The following ANO10 variants were observed in gnomAD, a reference collection of about 807,000 sequenced individuals.
ANO10 encodes the protein anoctamin 10.
ANO10 carries 77 observed loss-of-function variants against 74.7 expected under a neutral mutation model. The ratio of observed to expected loss-of-function variants is 1.03; its 90% confidence interval spans 0.86 to 1.25. The LOEUF (loss-of-function observed/expected upper bound fraction) is 1.25, where lower values mean the gene tolerates loss of function less well. Ranked by LOEUF, ANO10 falls within the 50% of genes most tolerant of loss-of-function variation. The pLI, the probability that ANO10 is intolerant of heterozygous loss-of-function variation, is 0.00. For synonymous variants in ANO10, 279 were observed against 284.9 expected (o/e 0.98, Z 0.21); for missense variants, 721 against 778.1 (o/e 0.93, Z 0.87).
At chr3:43,411,124 T>A (rs1396346690) in intron 12 of ANO10, among the ~76,000 whole-genome samples, 2 of 152,180 alleles carry the variant, frequency 1.3e-5, no homozygotes. Flanking sequence ...TTAGGCATTA[T>A]GTGTTTTGAT....
chr3:43,485,001 T>TG, intron 11 of ANO10: 1 of 1,460,504 alleles, frequency 6.8e-7, no homozygotes, highest in South Asian at 1.2e-5. Flanking sequence ...CTCTTGGTGG[T>TG]GAGGCGTGGC....
At position 43,410,566 on chromosome 3, in the gene ANO10, C is replaced by A. The variant is rs899962666; in HGVS notation, c.1914+22045G>T. Among the ~76,000 whole-genome samples, 10 of 152,242 alleles carry A rather than the reference C, an allele frequency of 6.6e-5. No homozygotes were observed. In the East Asian group the frequency reaches 7.7e-4, roughly 12 times the overall value. ...ATTGCAATGGAACCTTTTATGACTA[C>A]AAAATTATGAGTTTTCTGTGTTTAT... On this transcript the variant is annotated intron_variant, in intron 12 of 12. Coordinates refer to ENST00000292246, the MANE Select transcript of ANO10 (RefSeq NM_018075.5).
At chr3:43,554,946 T>C (rs181084775) in intron 10 of ANO10, among the ~76,000 whole-genome samples, 126 of 152,302 alleles carry the variant, frequency 8.3e-4, no homozygotes, top group African/African-American at 2.8e-3. Context: ...CCCATGTGGC[T>C]TCCACTGACA....
intron 11 of ANO10, among the ~76,000 whole-genome samples, chr3:43,512,635 T>A (rs2149186853): frequency 6.6e-6 from 1 of 152,148 alleles, no homozygotes; most frequent in Non-Finnish European, 1.5e-5. Flanking sequence ...CAAGGATGAC[T>A]CCAAAGTTTC....
At position 43,576,854 on chromosome 3, in the gene ANO10, T is replaced by A; in HGVS notation, c.1000A>T (p.Met334Leu). 6.2e-7 allele frequency: 1 copy of A among 1,614,082 alleles called. No homozygotes were observed. Among genetic ancestry groups the A allele is most frequent in the Non-Finnish European group, 8.5e-7 (1 of 1,180,012 alleles). ...CAAACCTCCATGTCGAAGTAAATCATCATGACATACAGTGAGAAATAGAGG... is the reference window on the plus strand; with the variant it reads ...CAAACCTCCATGTCGAAGTAAATCAACATGACATACAGTGAGAAATAGAGG... ...LCLYFSLYVM[M>L]IYFDMEVWAL... The change falls in exon 6 of 13, where the codon ATG becomes TTG. Residue 334 changes from methionine (M) to leucine (L), a missense_variant. Coordinates refer to ENST00000292246, the MANE Select transcript of ANO10 (RefSeq NM_018075.5).
chr3:43,525,009 A>C (rs922357263), intron 11 of ANO10, among the ~76,000 whole-genome samples: 6 of 152,148 alleles, frequency 3.9e-5, no homozygotes, highest in East Asian at 1.9e-4. Flanking sequence ...GCTGGGTATG[A>C]GTGAGAACCA....
At chr3:43,599,011 G>A (rs1188265163) in intron 3 of ANO10, among the ~76,000 whole-genome samples, 1 of 152,128 alleles carries the variant, frequency 6.6e-6, no homozygotes, top group Non-Finnish European at 1.5e-5. Context: ...GTATTATTAT[G>A]TTAAACCAGG....
chr3:43,505,721 G>A (rs1443979705), intron 11 of ANO10, among the ~76,000 whole-genome samples: 9 of 152,196 alleles, frequency 5.9e-5, no homozygotes, highest in Admixed American at 4.6e-4. Context: ...CTGTCAGCCA[G>A]TGGGTTTGAA....
chr3:43,556,159 T>A (rs1000935635), intron 9 of ANO10, among the ~76,000 whole-genome samples: 1 of 152,142 alleles, frequency 6.6e-6, no homozygotes, highest in African/African-American at 2.4e-5. Context: ...ATTGCATCAA[T>A]CTCTTTCTCT....
intron 4 of ANO10, among the ~76,000 whole-genome samples, chr3:43,598,224 T>G (rs1406774387): frequency 6.6e-6 from 1 of 152,210 alleles, no homozygotes; most frequent in Non-Finnish European, 1.5e-5. Context: ...CTCCACAGAT[T>G]TTCATGTACA....
intron 11 of ANO10, among the ~76,000 whole-genome samples, chr3:43,518,604 C>A (rs2077813594): frequency 6.6e-6 from 1 of 152,138 alleles, no homozygotes; most frequent in Non-Finnish European, 1.5e-5. Flanking sequence ...TCACTGAATT[C>A]TTTCTCTCAG....
At chr3:43,588,024 C>T (rs1353764571) in intron 4 of ANO10, among the ~76,000 whole-genome samples, 3 of 152,078 alleles carry the variant, frequency 2.0e-5, no homozygotes, top group Non-Finnish European at 2.9e-5. Flanking sequence ...GAAAACTGTC[C>T]AAAAACCTAA....
chr3:43,656,792 C>T (rs2083859838), intron 1 of ANO10, among the ~76,000 whole-genome samples: 1 of 152,240 alleles, frequency 6.6e-6, no homozygotes, highest in Admixed American at 6.5e-5. Flanking sequence ...AGCCCGGGTT[C>T]CTGCTCGCGC....
chr3:43,393,994 C>T (rs761537532), intron 12 of ANO10, among the ~76,000 whole-genome samples: 4 of 152,276 alleles, frequency 2.6e-5, no homozygotes, highest in East Asian at 1.9e-4. Context: ...AGAGAATGAA[C>T]ACCCCTGGGG....
rs2084364546 is a variant in ANO10 at position 43,691,017 on chromosome 3, G to T, written c.-12+500C>A. 6.4e-7 allele frequency: 1 copy of T among 1,565,996 alleles called. No individual in the cohort carries two copies. The highest frequency in any genetic ancestry group is 1.8e-5 in the Admixed American group (1 of 54,600). On this transcript the variant is annotated intron_variant, in intron 1 of 3. Transcript: ENST00000413397. ...TATGGCGGCGGAGGAGGAGGAGGTGGACTCTGCCGACACCGGAGAGAGGTA... is the reference window on the plus strand; with the variant it reads ...TATGGCGGCGGAGGAGGAGGAGGTGTACTCTGCCGACACCGGAGAGAGGTA...
intron 11 of ANO10, among the ~76,000 whole-genome samples, chr3:43,508,963 G>GAAAAGA (rs2077407324): frequency 1.4e-5 from 2 of 145,482 alleles, no homozygotes; most frequent in Non-Finnish European, 3.0e-5. Context: ...AAAAAGAAAA[G>GAAAAGA]AAAAAAAGAA....
chr3:43,580,009 G>C (rs115221402), intron 5 of ANO10, among the ~76,000 whole-genome samples: 1,681 of 151,966 alleles, frequency 0.011, 29 homozygotes, highest in African/African-American at 0.038. Context: ...GCTGGGGATG[G>C]TGGTGCACGC....
intron 11 of ANO10, among the ~76,000 whole-genome samples, chr3:43,529,393 G>A (rs1300979412): frequency 6.6e-6 from 1 of 152,158 alleles, no homozygotes; most frequent in South Asian, 2.1e-4. Flanking sequence ...GGGGTTCATG[G>A]CCCACAGCAT....
rs551954350 is a variant in ANO10, at chr3:43,507,847, T to C, written c.1797+41873A>G. On this transcript the variant is annotated intron_variant, in intron 11 of 12. Transcript: ENST00000292246. ...TTTGAAGAAAAAGGGGGAGATTGTA[T>C]AGTTAGCATGTAACTGTTGAAGAGC... Among the ~76,000 whole-genome samples, 20 of 152,274 alleles carry C rather than the reference T, an allele frequency of 1.3e-4. No homozygotes were observed. In the South Asian group the frequency reaches 3.1e-3, roughly 24 times the overall value.
Sources: allele counts gnomAD v4.1 joint callset (sites outside exome capture counted in the v4.1 genomes callset), GRCh38; gene constraint gnomAD v4.1.1; transcripts MANE v1.5; gene names NCBI Gene and HGNC (gene_info 2026-07-23, HGNC 2026-07-21).